The following ZNF618 variants were observed in gnomAD, a reference collection of about 807,000 sequenced individuals.
The protein encoded by ZNF618 is neural precursor cell expressed, developmentally down-regulated 10.
A neutral mutation model predicts 103.0 loss-of-function variants in ZNF618; 34 were observed. That is an observed-to-expected ratio of 0.33 (90% CI 0.25 to 0.44). The LOEUF is 0.44. Among genes scored for constraint, ZNF618 ranks in the 20% least tolerant of loss-of-function variants. The pLI, the probability that ZNF618 is intolerant of heterozygous loss-of-function variation, is 1.00. For synonymous variants in ZNF618, 551 were observed against 542.2 expected, an observed-to-expected ratio of 1.02 and a Z score of -0.23; for missense variants, 1,059 against 1,295.4, an observed-to-expected ratio of 0.82 and a Z score of 2.80.
intron 3 of ZNF618, among the ~76,000 whole-genome samples, chr9:113,996,799 C>T (rs1840645325): frequency 6.6e-6 from 1 of 152,148 alleles, no homozygotes; most frequent in Admixed American, 6.5e-5. Flanking sequence ...TAGTGGGGGG[C>T]TCTGCTGCCC....
intron 9 of ZNF618, chr9:114,016,087 A>G (rs781231084): frequency 4.5e-6 from 7 of 1,558,314 alleles, no homozygotes; most frequent in South Asian, 1.1e-5. Context: ...ATTTGTATTT[A>G]TCAGTATTTT....
chr9:114,019,441 A>G (rs1217912323), intron 10 of ZNF618, among the ~76,000 whole-genome samples: 1 of 152,220 alleles, frequency 6.6e-6, no homozygotes, highest in African/African-American at 2.4e-5. Context: ...TGACCATAGC[A>G]TCTTTCACTC....
intron 1 of ZNF618, among the ~76,000 whole-genome samples, chr9:113,889,941 T>C (rs1587944471): frequency 6.6e-6 from 1 of 152,234 alleles, no homozygotes; most frequent in Non-Finnish European, 1.5e-5. Flanking sequence ...CCCTTGATCT[T>C]CAAAACAACT....
At chr9:114,009,992 C>A (rs1429085021) in intron 9 of ZNF618, among the ~76,000 whole-genome samples, 2 of 152,228 alleles carry the variant, frequency 1.3e-5, no homozygotes, top group East Asian at 3.8e-4. Flanking sequence ...ACTCGATAAG[C>A]AGGAGCATAA....
intron 1 of ZNF618, among the ~76,000 whole-genome samples, chr9:113,940,922 T>C (rs1183369842): frequency 2.0e-5 from 3 of 152,238 alleles, no homozygotes; most frequent in Admixed American, 2.0e-4. Flanking sequence ...TTGTGATTTC[T>C]CGTTTAAGTG....
intron 3 of ZNF618, among the ~76,000 whole-genome samples, chr9:113,996,271 A>T (rs181769703): frequency 6.4e-4 from 97 of 152,306 alleles, no homozygotes; most frequent in Middle Eastern, 3.4e-3. Context: ...TTCTCTGAAC[A>T]GTGGCTCCTG....
chr9:114,012,088 C>G (rs1043586387), intron 9 of ZNF618, among the ~76,000 whole-genome samples: 1 of 16,970 alleles, frequency 5.9e-5, no homozygotes, highest in African/African-American at 1.8e-4. Context: ...TTAAGAGACT[C>G]AGAGAAGAGA....
intron 1 of ZNF618, among the ~76,000 whole-genome samples, chr9:113,965,786 G>A (rs1837344876): frequency 2.6e-5 from 4 of 152,158 alleles, no homozygotes; most frequent in East Asian, 1.9e-4. Context: ...GTCCAGTGGC[G>A]GAAGATGGTG....
intron 3 of ZNF618, among the ~76,000 whole-genome samples, chr9:113,997,059 T>C (rs1840681615): frequency 1.2e-5 from 1 of 83,678 alleles, no homozygotes; most frequent in African/African-American, 3.4e-5. Context: ...TCTCTCTCTT[T>C]CTTTTTTTTT....
intron 1 of ZNF618, among the ~76,000 whole-genome samples, chr9:113,951,400 TAC>T (rs1177449213): frequency 7.2e-6 from 1 of 139,684 alleles, no homozygotes; most frequent in East Asian, 2.1e-4. Context: ...CCTATATATA[TAC>T]GTATATATAC....
At chr9:114,021,975 A>G (rs957224520) in intron 10 of ZNF618, among the ~76,000 whole-genome samples, 3 of 152,096 alleles carry the variant, frequency 2.0e-5, no homozygotes, top group African/African-American at 4.8e-5. Flanking sequence ...ACATGCCACA[A>G]TTACTTTGTT....
intron 6 of ZNF618, 127 bp downstream of exon 6, chr9:114,002,789 A>G (rs1841370767): frequency 2.0e-6 from 2 of 1,021,606 alleles, no homozygotes; most frequent in East Asian, 2.5e-5. Context: ...GCTGGGGTCC[A>G]AGCTTGGGGG....
chr9:113,972,530 TC>T (rs1171255163), intron 2 of ZNF618, among the ~76,000 whole-genome samples: 5 of 151,410 alleles, frequency 3.3e-5, no homozygotes, highest in African/African-American at 1.2e-4. Flanking sequence ...ATGCACTTAC[TC>T]ACCACGCCCT....
At chr9:113,897,194 T>C (rs893400530) in intron 1 of ZNF618, among the ~76,000 whole-genome samples, 4 of 152,158 alleles carry the variant, frequency 2.6e-5, no homozygotes, top group Non-Finnish European at 5.9e-5. Flanking sequence ...TAATTACAGT[T>C]TTTCCCCCTA....
At chr9:113,886,560 C>T (rs1829088819) in intron 1 of ZNF618, among the ~76,000 whole-genome samples, 1 of 151,798 alleles carries the variant, frequency 6.6e-6, no homozygotes, top group African/African-American at 2.4e-5. Flanking sequence ...GTGGGTGTTT[C>T]TTAAAATGTA....
chr9:114,008,429 C>T, intron 8 of ZNF618, 48 bp from the exon 9 acceptor site: 1 of 1,613,812 alleles, frequency 6.2e-7, no homozygotes, highest in East Asian at 2.2e-5. Context: ...GGCTGGGCTC[C>T]TGAGACCTGG....
chr9:113,903,816 G>A (rs1047694896), intron 1 of ZNF618, among the ~76,000 whole-genome samples: 3 of 151,922 alleles, frequency 2.0e-5, no homozygotes, highest in Admixed American at 1.3e-4. Flanking sequence ...GTTCCTCTGT[G>A]TGTAATGTCT....
Position 113,969,177 on chromosome 9 carries a change from G to A in ZNF618, c.77+17G>A, listed in dbSNP as rs773234728. 32 of 1,613,676 alleles carry A rather than the reference G, an allele frequency of 2.0e-5. No homozygotes were observed. The highest frequency in any genetic ancestry group is 8.0e-5 in the African/African-American group (6 of 74,870). ...TGCGAGCAGGTACACTCCCTCTCCCGCCCCCAGCTTGTCCACCCATCGACT... is the reference window on the plus strand; with the variant it reads ...TGCGAGCAGGTACACTCCCTCTCCCACCCCCAGCTTGTCCACCCATCGACT... On this transcript the variant is annotated intron_variant, in intron 2 of 14. Coordinates refer to ENST00000374126, the MANE Select transcript of ZNF618 (RefSeq NM_001318042.2).
intron 1 of ZNF618, among the ~76,000 whole-genome samples, chr9:113,962,048 G>C (rs2132592447): frequency 6.6e-6 from 1 of 152,220 alleles, no homozygotes. Flanking sequence ...CCACGTGCTT[G>C]GTTAATTCTT....
Sources: gnomAD v4.1 joint callset for allele counts (sites outside exome capture counted in the v4.1 genomes callset) on GRCh38, gnomAD v4.1.1 for gene constraint, MANE v1.5 for transcripts, NCBI Gene and HGNC (gene_info 2026-07-23, HGNC 2026-07-21) for gene names.